Variants in RET observed in about 807,000 individuals in gnomAD.
RET encodes the protein proto-oncogene tyrosine-protein kinase receptor Ret.
A neutral mutation model predicts 118.3 loss-of-function variants in RET; 19 were observed. The ratio of observed to expected loss-of-function variants is 0.16; its 90% CI spans 0.11 to 0.24. RET has a LOEUF of 0.24. Among genes scored for constraint, RET ranks in the 10% least tolerant of loss-of-function variants. The pLI is 1.00. For missense variants in RET, 1,219 were observed against 1,502.1 expected (o/e 0.81, Z 3.12); for synonymous variants, 597 against 644.1 (o/e 0.93, Z 1.11).
chr10:43,079,089 G>A (rs1382887032), intron 1 of RET, among the ~76,000 whole-genome samples: 2 of 152,220 alleles, frequency 1.3e-5, no homozygotes, highest in Non-Finnish European at 2.9e-5. Flanking sequence ...TCGGCCTCAA[G>A]CGCCCTCTTG....
Position 43,114,758 on chromosome 10 carries a change from G to A in RET, c.2136+22G>A, listed in dbSNP as rs1838033819. 6.3e-7 allele frequency: 1 copy of A among 1,595,596 alleles called. No individual in the cohort carries two copies. The highest frequency in any genetic ancestry group is 1.1e-5 in the South Asian group (1 of 89,794). The stretch of plus-strand genomic sequence containing the variant: ...CCTGGTGAGGGTCCCTGCGGGGCAG[G>A]GAAGATCCCCTGCCCTCCCCAGCTG... On this transcript the variant is annotated intron_variant, in intron 11 of 19. Transcript: ENST00000355710. The surrounding 1 kb of genome is among the most constrained non-coding windows in gnomAD (Gnocchi z 4.6).
intron 1 of RET, among the ~76,000 whole-genome samples, chr10:43,094,367 G>A (rs896809148): frequency 6.6e-5 from 10 of 152,184 alleles, no homozygotes; most frequent in South Asian, 4.1e-4. Context: ...GGCTGGTGTC[G>A]CATGAGGGGT....
At chr10:43,115,160 T>C (rs866027997) in intron 11 of RET, among the ~76,000 whole-genome samples, 3 of 152,242 alleles carry the variant, frequency 2.0e-5, no homozygotes, top group South Asian at 4.2e-4. Flanking sequence ...CCCTTCAGTG[T>C]TCCTACTAGC....
At chr10:43,116,456 ATG>A in intron 11 of RET, 126 bp from the exon 12 acceptor site, 1 of 1,208,448 alleles carries the variant, frequency 8.3e-7, no homozygotes, top group Non-Finnish European at 1.2e-6. Flanking sequence ...GCTGGCTCAG[ATG>A]ACAGCCGGTT....
chr10:43,095,242 A>C lies in RET; in HGVS notation c.74-5217A>C, dbSNP rs530704501. Among the ~76,000 whole-genome samples the C allele has an allele frequency of 3.9e-5, 6 of 152,300 alleles. No homozygotes were observed. The East Asian group carries it at 1.2e-3, about 29-fold the overall frequency. On this transcript the variant is annotated intron_variant, in intron 1 of 19. Coordinates refer to ENST00000355710, the MANE Select transcript of RET (RefSeq NM_020975.6). ...GCTAGGCTCAGGTATGGGCTGCATC[A>C]GTGCCGAGGGATTGCATGCTTTGGG... is the stretch of plus-strand genomic sequence containing the variant.
At chr10:43,086,956 C>T (rs1419885975) in intron 1 of RET, among the ~76,000 whole-genome samples, 1 of 152,248 alleles carries the variant, frequency 6.6e-6, no homozygotes, top group African/African-American at 2.4e-5. Flanking sequence ...TCTCCCAAAC[C>T]TCAGCCATGC....
chr10:43,102,271 T>A, intron 2 of RET, 71 bp from the exon 3 acceptor site: 1 of 1,591,376 alleles, frequency 6.3e-7, no homozygotes, highest in Non-Finnish European at 8.6e-7. Flanking sequence ...CTGGAGCTCC[T>A]GCCTCCTCCC....
chr10:43,121,904 A>C, intron 15 of RET, 42 bp from the exon 16 acceptor site: 1 of 1,477,320 alleles, frequency 6.8e-7, no homozygotes, highest in Non-Finnish European at 9.5e-7. Context: ...CTTCCTAGAG[A>C]GTTAGAGTAA....
intron 1 of RET, among the ~76,000 whole-genome samples, chr10:43,084,730 T>C (rs1004051450): frequency 2.6e-5 from 4 of 152,138 alleles, no homozygotes; most frequent in African/African-American, 9.7e-5. Flanking sequence ...TCGAGGACCT[T>C]GAGGACATTC....
chr10:43,105,482 C>A (rs1436274491), intron 4 of RET, among the ~76,000 whole-genome samples: 1 of 152,084 alleles, frequency 6.6e-6, no homozygotes, highest in African/African-American at 2.4e-5. Flanking sequence ...GCTGCCCGGG[C>A]GGGGAGCATC....
At position 43,078,865 on chromosome 10, in the gene RET, C is replaced by T. The variant is rs144713355; in HGVS notation, c.73+1534C>T. Among the ~76,000 whole-genome samples, 23 of 152,320 alleles carry T rather than the reference C, an allele frequency of 1.5e-4. No individual in the cohort carries two copies. The East Asian group carries it at 3.9e-3, about 26-fold the overall frequency. ...TTCCCGAATCCAGAGATGGTGAGCC[C>T]CTAGCCCCTGGGATAACCCGGACAC... is the stretch of plus-strand genomic sequence containing the variant. On this transcript the variant is annotated intron_variant, in intron 1 of 19. Transcript: ENST00000355710.
rs989787527 is a variant in RET, at chr10:43,102,451, C to T, written c.447C>T (p.Phe149=). The change falls in exon 3 of 20, where the codon TTC becomes TTT. Residue 149 remains phenylalanine (F), a synonymous_variant. Coordinates refer to ENST00000355710, the MANE Select transcript of RET (RefSeq NM_020975.6). ...GCTGTGCCCGCGTATACTTCTCCTTCTTCAACACCTCCTTTCCAGCCTGCA... is the reference window on the plus strand; with the variant it reads ...GCTGTGCCCGCGTATACTTCTCCTTTTTCAACACCTCCTTTCCAGCCTGCA... ...WPGCARVYFS[F]FNTSFPACSS... is the part of the protein sequence containing the mutation. 11 of 1,614,144 alleles carry T rather than the reference C, an allele frequency of 6.8e-6. No individual in the cohort carries two copies. Among genetic ancestry groups the T allele is most frequent in the Non-Finnish European group, 9.3e-6 (11 of 1,180,054 alleles).
chr10:43,116,763 G>T, intron 12 of RET, 32 bp downstream of exon 12: 1 of 1,457,228 alleles, frequency 6.9e-7, no homozygotes, highest in Non-Finnish European at 9.6e-7. Flanking sequence ...AGTGCCCCTG[G>T]GGGAGTCTCC....
At chr10:43,104,198 C>T (rs1837705386) in intron 3 of RET, among the ~76,000 whole-genome samples, 1 of 151,918 alleles carries the variant, frequency 6.6e-6, no homozygotes, top group South Asian at 2.1e-4. Flanking sequence ...CATCATACCC[C>T]AGATGTCCAC....
chr10:43,121,871 C>A, intron 15 of RET, 75 bp from the exon 16 acceptor site: 2 of 1,104,680 alleles, frequency 1.8e-6, no homozygotes, highest in Non-Finnish European at 2.8e-6. Context: ...AGGGATAGGG[C>A]CTGGCCTTCT....
chr10:43,089,165 C>A (rs1005741347), intron 1 of RET, among the ~76,000 whole-genome samples: 1 of 152,238 alleles, frequency 6.6e-6, no homozygotes, highest in Non-Finnish European at 1.5e-5. Context: ...AGGCAGCGTC[C>A]GCTCAGCAGA....
intron 18 of RET, among the ~76,000 whole-genome samples, chr10:43,125,310 G>A (rs1838306145): frequency 6.6e-6 from 1 of 152,238 alleles, no homozygotes; most frequent in South Asian, 2.1e-4. Flanking sequence ...TTGAGTTAAA[G>A]CAAGTGCCCA....
rs998138617 is a variant in RET, at chr10:43,121,429, G to A, written c.2731-517G>A. On this transcript the variant is annotated intron_variant, in intron 15 of 19. Coordinates refer to ENST00000355710, the MANE Select transcript of RET (RefSeq NM_020975.6). Reference sequence around the variant, plus strand: ...CCCCAGCACTGATGAGGGATGTAGGGGGCTGGGGGCACTCATTCAGAGATG... The same window carrying A: ...CCCCAGCACTGATGAGGGATGTAGGAGGCTGGGGGCACTCATTCAGAGATG... Among the ~76,000 whole-genome samples the A allele has an allele frequency of 3.9e-5, 6 of 152,220 alleles. No homozygotes were observed. In the East Asian group the frequency reaches 1.2e-3, roughly 29 times the overall value.
Position 43,128,749 on chromosome 10 carries a change from A to G in RET, c.*480A>G, listed in dbSNP as rs112831036. The G allele has an allele frequency of 5.1e-4, 153 of 301,060 alleles. No homozygotes were observed. Among genetic ancestry groups the G allele is most frequent in the African/African-American group, 2.9e-3 (134 of 46,294 alleles). The allele number at this position is 301,060 out of a possible 1,614,324, so 18.6% of individuals were successfully genotyped here. A position where few individuals can be genotyped will look rare whatever the true frequency, so the allele number is the denominator to read the frequency against. Reference sequence around the variant, plus strand: ...CCCTGATGACCTGTCCTTATTCAGAATGAGAGACTGCGGGGGGGGCCTGGG... The same window carrying G: ...CCCTGATGACCTGTCCTTATTCAGAGTGAGAGACTGCGGGGGGGGCCTGGG... On this transcript the variant is annotated 3_prime_UTR_variant, in exon 20 of 20. Coordinates refer to ENST00000355710, the MANE Select transcript of RET (RefSeq NM_020975.6).
Sources: allele counts gnomAD v4.1 joint callset (sites outside exome capture counted in the v4.1 genomes callset), GRCh38; gene constraint gnomAD v4.1.1; non-coding constraint Gnocchi (gnomAD v3.1); transcripts MANE v1.5; gene names NCBI Gene and HGNC (gene_info 2026-07-23, HGNC 2026-07-21).